The following TGFB2 variants were observed in gnomAD, a reference collection of about 807,000 sequenced individuals.
TGFB2 encodes transforming growth factor beta-2 proprotein.
A neutral mutation model predicts 42.7 loss-of-function variants in TGFB2; 13 were observed. That is an observed-to-expected ratio of 0.30 (90% CI 0.20 to 0.48). The LOEUF (loss-of-function observed/expected upper bound fraction) is 0.48, where lower values mean the gene tolerates loss of function less well. Ranked by LOEUF, TGFB2 falls within the 20% of genes least tolerant of loss-of-function variation. The pLI is 0.99. For synonymous variants in TGFB2, 193 were observed against 193.6 expected (o/e 1.00, Z 0.03); for missense variants, 390 against 517.5 (o/e 0.75, Z 2.39).
chr1:218,365,414 G>A lies in TGFB2; in HGVS notation c.346+18367G>A, dbSNP rs191568570. Among the ~76,000 whole-genome samples the A allele has an allele frequency of 8.5e-5, 13 of 152,182 alleles. No homozygotes were observed. In the East Asian group the frequency reaches 2.3e-3, roughly 27 times the overall value. On this transcript the variant is annotated intron_variant, in intron 1 of 6. Transcript: ENST00000366930. ...ACACTCCTCACTTGGGGTTATTTTC[G>A]GTCACTTAATTGCTGCGAGCTTCTG...
chr1:218,396,223 T>A (rs1658507123), intron 1 of TGFB2, among the ~76,000 whole-genome samples: 1 of 152,214 alleles, frequency 6.6e-6, no homozygotes, highest in South Asian at 2.1e-4. Flanking sequence ...GTAGATCTAA[T>A]ATGGAACCAA....
intron 1 of TGFB2, among the ~76,000 whole-genome samples, chr1:218,401,374 G>T (rs1658713952): frequency 6.6e-6 from 1 of 152,120 alleles, no homozygotes; most frequent in African/African-American, 2.4e-5. Context: ...TTGCAGGCAT[G>T]TGTGGCCAAG....
At position 218,442,600 on chromosome 1, in the gene TGFB2, A is replaced by G. The variant is rs1368356959; in HGVS notation, c.*1238A>G. 6.6e-6 allele frequency: 1 copy of G among 151,810 alleles called. No homozygotes were observed. Among genetic ancestry groups the G allele is most frequent in the Non-Finnish European group, 1.5e-5 (1 of 67,950 alleles). 9.4% of individuals were successfully genotyped at this position (151,810 alleles called of 1,614,324 possible). A position where few individuals can be genotyped will look rare whatever the true frequency, so the allele number is the denominator to read the frequency against. ...CTACAAATGCATTTTTTTTTTAATA[A>G]CATTTGCCCTACTTGTGCTTTGTGT... On this transcript the variant is annotated 3_prime_UTR_variant, in exon 7 of 7. Coordinates refer to ENST00000366930, the MANE Select transcript of TGFB2 (RefSeq NM_003238.6).
chr1:218,366,411 A>T (rs950166134), intron 1 of TGFB2, among the ~76,000 whole-genome samples: 4 of 151,768 alleles, frequency 2.6e-5, no homozygotes, highest in Non-Finnish European at 5.9e-5. Flanking sequence ...GGCTGAAGCA[A>T]TCCTCCCACC....
intron 2 of TGFB2, among the ~76,000 whole-genome samples, chr1:218,407,393 A>G (rs1477479652): frequency 1.3e-5 from 2 of 152,146 alleles, no homozygotes; most frequent in African/African-American, 2.4e-5. Context: ...GTTTTAAAGT[A>G]CTAGTTCACA....
intron 1 of TGFB2, among the ~76,000 whole-genome samples, chr1:218,377,690 C>G (rs893292844): frequency 1.3e-5 from 2 of 148,342 alleles, no homozygotes; most frequent in Non-Finnish European, 3.0e-5. Context: ...CCACCCCCGA[C>G]CCCTGGGAAG....
At chr1:218,378,846 A>G (rs1005607665) in intron 1 of TGFB2, among the ~76,000 whole-genome samples, 1 of 152,072 alleles carries the variant, frequency 6.6e-6, no homozygotes, top group African/African-American at 2.4e-5. Flanking sequence ...GGGATAGAGA[A>G]AGGCAGACAA....
chr1:218,379,748 A>C (rs576471156), intron 1 of TGFB2, among the ~76,000 whole-genome samples: 3 of 152,220 alleles, frequency 2.0e-5, no homozygotes, highest in Non-Finnish European at 4.4e-5. Flanking sequence ...ACCAAAGTTT[A>C]AGTCAGCTGG....
intron 2 of TGFB2, among the ~76,000 whole-genome samples, chr1:218,406,800 G>A (rs1488909169): frequency 6.6e-6 from 1 of 152,092 alleles, no homozygotes; most frequent in Non-Finnish European, 1.5e-5. Context: ...GGAGAAGGTG[G>A]CCCTCCAAAG....
At chr1:218,410,917 T>C (rs1331869836) in intron 2 of TGFB2, among the ~76,000 whole-genome samples, 2 of 152,224 alleles carry the variant, frequency 1.3e-5, no homozygotes, top group African/African-American at 4.8e-5. Context: ...ATCTTCTATA[T>C]GGGCAAGAAC....
chr1:218,356,933 C>T (rs1249822847), intron 1 of TGFB2, among the ~76,000 whole-genome samples: 8 of 152,098 alleles, frequency 5.3e-5, no homozygotes, highest in South Asian at 2.1e-4. Flanking sequence ...AAGAGGAGGC[C>T]GGGTGCAGTG....
chr1:218,417,727 C>A (rs1477344206), intron 2 of TGFB2, among the ~76,000 whole-genome samples: 1 of 152,332 alleles, frequency 6.6e-6, no homozygotes, highest in South Asian at 2.1e-4. Context: ...CCCAGGGTCC[C>A]TGTGCTGTGT....
chr1:218,432,395 G>A (rs1299158439), intron 2 of TGFB2, among the ~76,000 whole-genome samples: 2 of 152,130 alleles, frequency 1.3e-5, no homozygotes, highest in South Asian at 2.1e-4. Flanking sequence ...GACCACAGGG[G>A]CAGATCTGTA....
At chr1:218,347,372 A>G (rs10482723) in intron 1 of TGFB2, among the ~76,000 whole-genome samples, 1,570 of 152,244 alleles carry the variant, frequency 0.01, 31 homozygotes, top group African/African-American at 0.036. Context: ...GTCAAACTAG[A>G]GGTGCTCCCA....
intron 1 of TGFB2, 95 bp downstream of exon 1, chr1:218,347,142 G>C: frequency 2.5e-6 from 3 of 1,215,926 alleles, no homozygotes; most frequent in Non-Finnish European, 2.3e-6. Context: ...TCCCTCTCGC[G>C]GTTCCCGTTC....
intron 1 of TGFB2, among the ~76,000 whole-genome samples, chr1:218,350,235 C>T (rs557151355): frequency 2.0e-4 from 31 of 152,308 alleles, no homozygotes; most frequent in African/African-American, 7.5e-4. Flanking sequence ...TCTTTTCTCT[C>T]CCTTTTTCAT....
At chr1:218,369,723 C>T (rs2102552888) in intron 1 of TGFB2, among the ~76,000 whole-genome samples, 1 of 152,300 alleles carries the variant, frequency 6.6e-6, no homozygotes, top group Middle Eastern at 3.4e-3. Flanking sequence ...GCTGACCATA[C>T]TTTGGCCTAG....
At chr1:218,380,798 G>A (rs72738822) in intron 1 of TGFB2, among the ~76,000 whole-genome samples, 2,661 of 152,286 alleles carry the variant, frequency 0.017, 43 homozygotes, top group Middle Eastern at 0.034. Context: ...AGGGAACAGA[G>A]ATTTGCCAGA....
intron 2 of TGFB2, among the ~76,000 whole-genome samples, chr1:218,432,901 T>C (rs1458686766): frequency 6.6e-6 from 1 of 152,160 alleles, no homozygotes; most frequent in African/African-American, 2.4e-5. Context: ...GGATTTACTA[T>C]AGTAGACTTA....
Sources: gnomAD v4.1 joint callset for allele counts (sites outside exome capture counted in the v4.1 genomes callset) on GRCh38, gnomAD v4.1.1 for gene constraint, MANE v1.5 for transcripts, NCBI Gene and HGNC (gene_info 2026-07-23, HGNC 2026-07-21) for gene names.